TXNDC16: variants seen among roughly 807,000 people sequenced by gnomAD.
TXNDC16 encodes thioredoxin domain-containing protein 16.
TXNDC16 carries 74 observed loss-of-function variants against 85.6 expected under a neutral mutation model. That is an observed-to-expected ratio of 0.86 (90% confidence interval 0.72 to 1.05). TXNDC16 has a LOEUF of 1.05. Ranked by LOEUF, TXNDC16 falls within the 50% of genes least tolerant of loss-of-function variation. TXNDC16 has a pLI of 0.00. For synonymous variants in TXNDC16, 335 were observed against 326.5 expected (o/e 1.03, Z -0.28); for missense variants, 959 against 947.0 (o/e 1.01, Z -0.17).
chr14:52,503,132 G>A (rs2140170712), intron 9 of TXNDC16, among the ~76,000 whole-genome samples: 1 of 152,340 alleles, frequency 6.6e-6, no homozygotes, highest in Non-Finnish European at 1.5e-5. Context: ...GCCTGCCTCT[G>A]TAGACTCCAC....
chr14:52,549,579 C>T (rs1296839651), intron 1 of TXNDC16, among the ~76,000 whole-genome samples: 1 of 151,800 alleles, frequency 6.6e-6, no homozygotes, highest in Non-Finnish European at 1.5e-5. Flanking sequence ...TCCACTAATC[C>T]CATTTTGGTA....
intron 14 of TXNDC16, among the ~76,000 whole-genome samples, chr14:52,477,968 A>C (rs1017581647): frequency 6.6e-6 from 1 of 152,216 alleles, no homozygotes; most frequent in African/African-American, 2.4e-5. Context: ...AATTGAAATT[A>C]TATCAAGTAC....
At chr14:52,492,574 C>T (rs912749366) in intron 9 of TXNDC16, among the ~76,000 whole-genome samples, 1 of 152,194 alleles carries the variant, frequency 6.6e-6, no homozygotes, top group South Asian at 2.1e-4. Flanking sequence ...CCCTCCTCCA[C>T]GCTCCTCTTT....
At chr14:52,448,703 T>G (rs1187984563) in intron 18 of TXNDC16, among the ~76,000 whole-genome samples, 1 of 151,874 alleles carries the variant, frequency 6.6e-6, no homozygotes, top group Non-Finnish European at 1.5e-5. Flanking sequence ...AATGGACCAA[T>G]CAAAAATAAT....
chr14:52,497,365 C>A (rs1399452642), intron 9 of TXNDC16, among the ~76,000 whole-genome samples: 1 of 152,070 alleles, frequency 6.6e-6, no homozygotes, highest in African/African-American at 2.4e-5. Flanking sequence ...AGTCCAGGAC[C>A]AGATAGCTTC....
In TXNDC16 at chr14:52,457,155, T is replaced by G; in HGVS notation, c.1638A>C (p.Glu546Asp). 7 of 1,586,282 alleles carry G rather than the reference T, an allele frequency of 4.4e-6. No individual in the cohort carries two copies. Among genetic ancestry groups the G allele is most frequent in the Non-Finnish European group, 6.0e-6 (7 of 1,169,444 alleles). The change falls in exon 17 of 21, where the codon GAA becomes GAC. Residue 546 changes from glutamate (E) to aspartate (D), a missense_variant. By Grantham distance (45) the Glu-to-Asp change is conservative. Transcript: ENST00000281741. ...TMKTAKEDFSEAGNYLKGYVI... is the reference protein window; with the variant it reads ...TMKTAKEDFSDAGNYLKGYVI... The stretch of plus-strand genomic sequence containing the variant: ...CATATCCTTTTAGGTAGTTTCCTGC[T>G]TCACTAAAATCTTCTTTTGCTATAA...
intron 8 of TXNDC16, among the ~76,000 whole-genome samples, chr14:52,513,102 T>C (rs578075091): frequency 6.6e-6 from 1 of 152,256 alleles, no homozygotes; most frequent in South Asian, 2.1e-4. Context: ...TATAGGGAAG[T>C]AGCAGAAAGT....
intron 18 of TXNDC16, among the ~76,000 whole-genome samples, chr14:52,441,074 C>G (rs1432754930): frequency 6.6e-6 from 1 of 152,086 alleles, no homozygotes; most frequent in Non-Finnish European, 1.5e-5. Context: ...ATTTTTTCCT[C>G]TAACATAACA....
intron 18 of TXNDC16, among the ~76,000 whole-genome samples, chr14:52,447,582 A>T (rs149404683): frequency 1.5e-3 from 226 of 152,302 alleles, no homozygotes; most frequent in African/African-American, 5.0e-3. Context: ...GACGGACTCC[A>T]TTTGTTTGGG....
chr14:52,495,228 G>C (rs772637251), intron 9 of TXNDC16, among the ~76,000 whole-genome samples: 1 of 152,182 alleles, frequency 6.6e-6, no homozygotes, highest in Non-Finnish European at 1.5e-5. Flanking sequence ...CTACTTTACA[G>C]ATGGCTCATA....
chr14:52,484,444 T>C (rs1458659949), intron 12 of TXNDC16, among the ~76,000 whole-genome samples: 2 of 152,232 alleles, frequency 1.3e-5, no homozygotes, highest in Admixed American at 6.5e-5. Flanking sequence ...GGACAACATA[T>C]ACAACTGTAG....
chr14:52,506,148 A>T (rs1046594857), intron 9 of TXNDC16, among the ~76,000 whole-genome samples: 1 of 152,234 alleles, frequency 6.6e-6, no homozygotes, highest in Non-Finnish European at 1.5e-5. Context: ...CAGAGGTACA[A>T]GGAGGAGCTG....
At chr14:52,455,719 A>T (rs2035517842) in intron 17 of TXNDC16, among the ~76,000 whole-genome samples, 1 of 152,186 alleles carries the variant, frequency 6.6e-6, no homozygotes, top group Non-Finnish European at 1.5e-5. Context: ...TTTCTATACA[A>T]CTTACTCAAC....
intron 6 of TXNDC16, among the ~76,000 whole-genome samples, chr14:52,527,716 C>T (rs2037370062): frequency 6.6e-6 from 1 of 152,118 alleles, no homozygotes. Flanking sequence ...ACTCTGGCTG[C>T]TGTTATTGCC....
At chr14:52,536,924 C>A in intron 5 of TXNDC16, 131 bp from the exon 6 acceptor site, 1 of 652,660 alleles carries the variant, frequency 1.5e-6, no homozygotes, top group Non-Finnish European at 2.6e-6. Context: ...TGTCCACATA[C>A]TCCACATACC....
intron 9 of TXNDC16, among the ~76,000 whole-genome samples, chr14:52,508,879 G>T (rs1019516961): frequency 6.6e-6 from 1 of 152,096 alleles, no homozygotes; most frequent in African/African-American, 2.4e-5. Flanking sequence ...CACAAGAAGG[G>T]GAACATCACA....
intron 16 of TXNDC16, among the ~76,000 whole-genome samples, chr14:52,466,198 A>G (rs925327861): frequency 6.6e-6 from 1 of 151,694 alleles, no homozygotes; most frequent in African/African-American, 2.4e-5. Flanking sequence ...ATGGCATACA[A>G]AGAAAAAAAA....
At chr14:52,496,718 C>T (rs2036542518) in intron 9 of TXNDC16, among the ~76,000 whole-genome samples, 1 of 151,514 alleles carries the variant, frequency 6.6e-6, no homozygotes, top group African/African-American at 2.4e-5. Context: ...GTGATCCTCC[C>T]ACCACCTCAG....
At chr14:52,465,000 A>T (rs563024430) in intron 16 of TXNDC16, among the ~76,000 whole-genome samples, 1 of 152,316 alleles carries the variant, frequency 6.6e-6, no homozygotes, top group East Asian at 1.9e-4. Context: ...AAAGATGATA[A>T]GCCACAGGGC....
Sources: allele counts gnomAD v4.1 joint callset (sites outside exome capture counted in the v4.1 genomes callset), GRCh38; gene constraint gnomAD v4.1.1; transcripts MANE v1.5; gene names NCBI Gene and HGNC (gene_info 2026-07-23, HGNC 2026-07-21).